The following CBFA2T3 variants were observed in gnomAD, a reference collection of about 807,000 sequenced individuals.
CBFA2T3 encodes transcriptional corepressor CBFA2T3.
CBFA2T3 carries 31 observed loss-of-function variants against 58.6 expected under a neutral mutation model. The observed-to-expected ratio is 0.53, with a 90% CI of 0.40 to 0.71. The LOEUF is 0.71. Among genes scored for constraint, CBFA2T3 ranks in the 30% least tolerant of loss-of-function variants. The pLI is 0.00. For synonymous variants in CBFA2T3, 531 were observed against 421.9 expected, an observed-to-expected ratio of 1.26 and a Z score of -3.17; for missense variants, 1,076 against 963.1, an observed-to-expected ratio of 1.12 and a Z score of -1.55.
chr16:88,919,613 A>G (rs1280585563), intron 1 of CBFA2T3, among the ~76,000 whole-genome samples: 1 of 152,176 alleles, frequency 6.6e-6, no homozygotes, highest in East Asian at 1.9e-4. Context: ...AACTGCACGC[A>G]TGGTGCAGGG....
At chr16:88,959,423 G>C (rs1489328575) in intron 1 of CBFA2T3, among the ~76,000 whole-genome samples, 1 of 152,198 alleles carries the variant, frequency 6.6e-6, no homozygotes, top group East Asian at 1.9e-4. Flanking sequence ...GCACGTGGGT[G>C]TTCAGGGCCT....
intron 1 of CBFA2T3, among the ~76,000 whole-genome samples, chr16:88,955,330 G>A (rs1430347606): frequency 5.1e-3 from 10 of 1,950 alleles, no homozygotes; most frequent in East Asian, 0.014. Flanking sequence ...TCCTGACCCC[G>A]CCCAAGGCTC....
chr16:88,901,358 C>G, intron 2 of CBFA2T3, 146 bp downstream of exon 2: 1 of 509,232 alleles, frequency 2.0e-6, no homozygotes, highest in South Asian at 3.0e-5. Context: ...ACCGGCCAAG[C>G]CTGGGCTCTG....
chr16:88,921,480 G>A (rs1041879909), intron 1 of CBFA2T3, among the ~76,000 whole-genome samples: 2 of 152,194 alleles, frequency 1.3e-5, no homozygotes, highest in African/African-American at 2.4e-5. Flanking sequence ...CCGATCCAGG[G>A]CGGCGAGTGG....
At chr16:88,960,677 T>C (rs1012866836) in intron 1 of CBFA2T3, among the ~76,000 whole-genome samples, 2 of 152,198 alleles carry the variant, frequency 1.3e-5, no homozygotes, top group Non-Finnish European at 2.9e-5. Flanking sequence ...AAGAGGATAG[T>C]GAAGCTGAAA....
chr16:88,875,241 CCTG>C lies in CBFA2T3; in HGVS notation c.*1732_*1734del, dbSNP rs1246026366. On this transcript the variant is annotated 3_prime_UTR_variant, in exon 12 of 12. Transcript: ENST00000268679. ...CACAGATGCCAGGCTGCGGGCCGTGCCTGCTGTCTGTCCTTGTACTCGGTGCAA... is the reference window on the plus strand; with the variant it reads ...CACAGATGCCAGGCTGCGGGCCGTGCCTGTCTGTCCTTGTACTCGGTGCAA... 1.3e-5 allele frequency: 3 copies of C among 233,692 alleles called. No individual in the cohort carries two copies. The highest frequency in any genetic ancestry group is 8.5e-6 in the Non-Finnish European group (1 of 118,258). 14.5% of individuals were successfully genotyped at this position (233,692 alleles called of 1,614,324 possible).
chr16:88,881,178 A>C, intron 9 of CBFA2T3, 113 bp downstream of exon 9: 1 of 989,148 alleles, frequency 1.0e-6, no homozygotes, highest in Non-Finnish European at 1.6e-6. Context: ...CCTCTTTCTC[A>C]AGCGAAACTG....
intron 1 of CBFA2T3, chr16:88,937,081 G>C (rs889230124): frequency 6.6e-6 from 1 of 152,272 alleles, no homozygotes; most frequent in Admixed American, 6.5e-5. Flanking sequence ...TCCCAGGCCT[G>C]CCCGGTGGGC....
chr16:88,925,052 C>A (rs1567611668), intron 1 of CBFA2T3, among the ~76,000 whole-genome samples: 1 of 152,228 alleles, frequency 6.6e-6, no homozygotes, highest in Non-Finnish European at 1.5e-5. Flanking sequence ...TCTGCACCAG[C>A]CCAAGGGGGA....
At chr16:88,946,155 A>G (rs1214381739) in intron 1 of CBFA2T3, among the ~76,000 whole-genome samples, 1 of 152,094 alleles carries the variant, frequency 6.6e-6, no homozygotes, top group East Asian at 1.9e-4. Flanking sequence ...TAAAAATACA[A>G]AAATTAGCTG....
At chr16:88,968,941 C>T (rs1162089493) in intron 1 of CBFA2T3, among the ~76,000 whole-genome samples, 1 of 152,206 alleles carries the variant, frequency 6.6e-6, no homozygotes, top group African/African-American at 2.4e-5. Context: ...TGCAGCGCTG[C>T]AGGCCTCACA....
At chr16:88,937,282 A>G (rs1971535480) in intron 1 of CBFA2T3, 1 of 152,278 alleles carries the variant, frequency 6.6e-6, no homozygotes, top group Admixed American at 6.5e-5. Flanking sequence ...GAGGTGGACG[A>G]ACAGCGTGGT....
chr16:88,885,367 G>A lies in CBFA2T3; in HGVS notation c.894-98C>T. On this transcript the variant is annotated intron_variant, in intron 6 of 11. Transcript: ENST00000268679. The surrounding 1 kb of genome is among the most constrained non-coding windows in gnomAD (Gnocchi z 5.3). Reference sequence around the variant, plus strand: ...AGAGGCAGACAGGCAAGGGCAGAGAGAAAGAGGACACGTAAGGGCGAGACA... The same window carrying A: ...AGAGGCAGACAGGCAAGGGCAGAGAAAAAGAGGACACGTAAGGGCGAGACA... The A allele has an allele frequency of 1.3e-6, 1 of 793,608 alleles. No homozygotes were observed. Among genetic ancestry groups the A allele is most frequent in the African/African-American group, 1.8e-5 (1 of 56,350 alleles). The allele number at this position is 793,608 out of a possible 1,614,324, so 49.2% of individuals were successfully genotyped here.
At chr16:88,968,799 C>A (rs149882583) in intron 1 of CBFA2T3, among the ~76,000 whole-genome samples, 2 of 152,174 alleles carry the variant, frequency 1.3e-5, no homozygotes, top group Admixed American at 6.5e-5. Flanking sequence ...CTGCACCCTG[C>A]GCCTGGCACG....
intron 1 of CBFA2T3, chr16:88,951,587 G>A: frequency 2.8e-6 from 1 of 363,468 alleles, no homozygotes; most frequent in Non-Finnish European, 5.3e-6. Context: ...TCGGGTCTGT[G>A]GCTTCTCAGC....
intron 1 of CBFA2T3, among the ~76,000 whole-genome samples, chr16:88,924,066 G>A (rs530092882): frequency 7.3e-4 from 111 of 152,298 alleles, no homozygotes; most frequent in African/African-American, 2.6e-3. Flanking sequence ...CAAGGTCACA[G>A]CAACCCAGCC....
In CBFA2T3 at chr16:88,903,966, G is replaced by A. The variant is rs537070603; in HGVS notation, c.152-2310C>T. Among the ~76,000 whole-genome samples, 987 of 152,380 alleles carry A rather than the reference G, an allele frequency of 6.5e-3. 6 individuals carry two copies. Among genetic ancestry groups the A allele is most frequent in the African/African-American group, 0.022 (927 of 41,596 alleles). On this transcript the variant is annotated intron_variant, in intron 1 of 11. Transcript: ENST00000268679. ...ACTGGGGAGCTGGTGCCGGGCGCTGGACGGGCGCTCGTAGGATGGACGGAC... is the reference window on the plus strand; with the variant it reads ...ACTGGGGAGCTGGTGCCGGGCGCTGAACGGGCGCTCGTAGGATGGACGGAC...
intron 1 of CBFA2T3, among the ~76,000 whole-genome samples, chr16:88,920,945 G>C (rs1239502296): frequency 6.6e-6 from 1 of 152,248 alleles, no homozygotes; most frequent in African/African-American, 2.4e-5. Flanking sequence ...AGCGGGACGG[G>C]TGTCTCCACA....
intron 1 of CBFA2T3, among the ~76,000 whole-genome samples, chr16:88,963,401 T>G (rs2142868205): frequency 6.6e-6 from 1 of 152,068 alleles, no homozygotes; most frequent in African/African-American, 2.4e-5. Context: ...AACATAAAAT[T>G]TACTATTTTC....
Sources: allele counts gnomAD v4.1 joint callset (sites outside exome capture counted in the v4.1 genomes callset), GRCh38; gene constraint gnomAD v4.1.1; non-coding constraint Gnocchi (gnomAD v3.1); transcripts MANE v1.5; gene names NCBI Gene and HGNC (gene_info 2026-07-23, HGNC 2026-07-21).